Variants in GPR107 observed in about 807,000 individuals in gnomAD.
GPR107 encodes G protein-coupled receptor 107.
A neutral mutation model predicts 75.5 loss-of-function variants in GPR107; 31 were observed. That is an observed-to-expected ratio of 0.41 (90% CI 0.31 to 0.55). The LOEUF is 0.55. Among genes scored for constraint, GPR107 ranks in the 20% least tolerant of loss-of-function variants. GPR107 has a pLI of 0.26. For synonymous variants in GPR107, 267 were observed against 251.3 expected (o/e 1.06, Z -0.59); for missense variants, 572 against 665.7 (o/e 0.86, Z 1.55).
intron 12 of GPR107, among the ~76,000 whole-genome samples, chr9:130,104,042 T>TGG (rs948378155): frequency 6.6e-6 from 1 of 151,974 alleles, no homozygotes; most frequent in Non-Finnish European, 1.5e-5. Context: ...CCGGGGCTCC[T>TGG]GGGGGGGCCT....
intron 14 of GPR107, among the ~76,000 whole-genome samples, chr9:130,111,891 G>A (rs1434903888): frequency 1.3e-5 from 2 of 152,038 alleles, no homozygotes; most frequent in Non-Finnish European, 2.9e-5. Context: ...CTTCTCTCAG[G>A]TCCTCGGTCA....
intron 5 of GPR107, among the ~76,000 whole-genome samples, chr9:130,081,472 G>A (rs1227714326): frequency 2.6e-5 from 4 of 151,980 alleles, no homozygotes. Flanking sequence ...AAGAGATTGA[G>A]ACCATCCTGG....
intron 14 of GPR107, among the ~76,000 whole-genome samples, chr9:130,115,188 C>A (rs1831392221): frequency 6.6e-6 from 1 of 152,136 alleles, no homozygotes; most frequent in East Asian, 1.9e-4. Flanking sequence ...ATATAGACTT[C>A]CCATGTCTAC....
intron 3 of GPR107, among the ~76,000 whole-genome samples, chr9:130,076,872 G>T: frequency 6.7e-6 from 1 of 150,142 alleles, no homozygotes; most frequent in South Asian, 2.1e-4. Flanking sequence ...AGAACCCACA[G>T]TTGGTTTACT....
intron 9 of GPR107, among the ~76,000 whole-genome samples, chr9:130,095,512 A>T (rs987683126): frequency 6.6e-6 from 1 of 152,044 alleles, no homozygotes; most frequent in Admixed American, 6.6e-5. Flanking sequence ...CTTCTGCCTC[A>T]GCCTCCCAAG....
Position 130,110,401 on chromosome 9 carries a change from G to A in GPR107, c.1306+2862G>A, listed in dbSNP as rs779858367. 5.5e-5 allele frequency: 84 copies of A among 1,536,142 alleles called. No homozygotes were observed. The African/African-American group carries it at 9.5e-4, about 17-fold the overall frequency. ...GCATGGGACCTCTTCAGCAGAGAGC[G>A]AATCTAAGAGCAGGAAGTCGCATAG... On this transcript the variant is annotated intron_variant, in intron 14 of 17. Coordinates refer to ENST00000347136, the MANE Select transcript of GPR107 (RefSeq NM_020960.5).
chr9:130,063,316 G>C (rs1381600247), intron 1 of GPR107, among the ~76,000 whole-genome samples: 1 of 151,646 alleles, frequency 6.6e-6, no homozygotes, highest in Non-Finnish European at 1.5e-5. Context: ...TCAGCCTCCC[G>C]AGTAGCTGGG....
chr9:130,069,572 A>C (rs542089893), intron 1 of GPR107, among the ~76,000 whole-genome samples: 1 of 152,318 alleles, frequency 6.6e-6, no homozygotes, highest in Non-Finnish European at 1.5e-5. Context: ...ATAGTTTACG[A>C]AGTCACTTCC....
At chr9:130,120,403 C>T (rs1258705856) in intron 14 of GPR107, among the ~76,000 whole-genome samples, 1 of 152,170 alleles carries the variant, frequency 6.6e-6, no homozygotes, top group Non-Finnish European at 1.5e-5. Flanking sequence ...CTCTCTTTTG[C>T]TCTCACCCCA....
At chr9:130,071,751 T>A (rs1830217671) in intron 1 of GPR107, among the ~76,000 whole-genome samples, 1 of 152,056 alleles carries the variant, frequency 6.6e-6, no homozygotes, top group South Asian at 2.1e-4. Context: ...TGGTGCAATC[T>A]CCGCTTACTG....
intron 1 of GPR107, among the ~76,000 whole-genome samples, chr9:130,069,018 G>A (rs531219051): frequency 6.6e-6 from 1 of 152,266 alleles, no homozygotes; most frequent in South Asian, 2.1e-4. Flanking sequence ...GGGATTACAG[G>A]TGTGAGCCAG....
At chr9:130,061,565 T>G (rs1829926826) in intron 1 of GPR107, among the ~76,000 whole-genome samples, 1 of 152,104 alleles carries the variant, frequency 6.6e-6, no homozygotes, top group African/African-American at 2.4e-5. Context: ...TTATTCTGCG[T>G]GATGAGGAAC....
intron 14 of GPR107, among the ~76,000 whole-genome samples, chr9:130,115,199 A>G (rs1289085838): frequency 6.6e-6 from 1 of 152,190 alleles, no homozygotes; most frequent in Non-Finnish European, 1.5e-5. Context: ...CCATGTCTAC[A>G]TAAAGTTTTC....
At chr9:130,056,924 C>CA (rs11442007) in intron 1 of GPR107, among the ~76,000 whole-genome samples, 29,132 of 42,564 alleles carry the variant, frequency 0.68, 12,207 homozygotes, top group Non-Finnish European at 0.75. Flanking sequence ...GACTCCTTCT[C>CA]AAAAAAAAAA....
Position 130,110,420 on chromosome 9 carries a change from C to T in GPR107, c.1306+2881C>T, listed in dbSNP as rs768457831. 6.7e-6 allele frequency: 10 copies of T among 1,494,796 alleles called. No homozygotes were observed. The East Asian group carries it at 1.2e-4, about 18-fold the overall frequency. The allele number at this position is 1,494,796 out of a possible 1,614,324, so 92.6% of individuals were successfully genotyped here. On this transcript the variant is annotated intron_variant, in intron 14 of 17. Transcript: ENST00000347136. ...GAGAGCGAATCTAAGAGCAGGAAGT[C>T]GCATAGGTAAACCAGGGTTCACATT...
At chr9:130,124,867 A>C (rs1831633600) in intron 14 of GPR107, 48 bp from the exon 15 acceptor site, 1 of 1,225,546 alleles carries the variant, frequency 8.2e-7, no homozygotes, top group African/African-American at 1.5e-5. Context: ...CTTACTTTTA[A>C]AAATGAGAAG....
chr9:130,071,470 A>G (rs1407637614), intron 1 of GPR107, among the ~76,000 whole-genome samples: 1 of 152,030 alleles, frequency 6.6e-6, no homozygotes, highest in Non-Finnish European at 1.5e-5. Context: ...CAGCTTTATT[A>G]GCTATAGTCT....
chr9:130,077,227 G>T, intron 3 of GPR107, 72 bp from the exon 4 acceptor site: 1 of 846,506 alleles, frequency 1.2e-6, no homozygotes. Context: ...TATTTGCTAT[G>T]TTCCTGAAAA....
At chr9:130,093,678 A>G (rs1349959953) in intron 9 of GPR107, among the ~76,000 whole-genome samples, 3 of 152,164 alleles carry the variant, frequency 2.0e-5, no homozygotes, top group East Asian at 1.9e-4. Context: ...TCAAGCAGCA[A>G]TTACTAAGAA....
Sources: allele counts gnomAD v4.1 joint callset (sites outside exome capture counted in the v4.1 genomes callset), GRCh38; gene constraint gnomAD v4.1.1; transcripts MANE v1.5; gene names NCBI Gene and HGNC (gene_info 2026-07-23, HGNC 2026-07-21).